LYST: variants seen among roughly 807,000 people sequenced by gnomAD.
LYST encodes the protein lysosomal trafficking regulator, also known as lysosomal-trafficking regulator.
In LYST, 192 loss-of-function variants were observed where a neutral mutation model predicts 413.6. That is an observed-to-expected ratio of 0.46 (90% CI 0.41 to 0.52). The LOEUF is 0.52. Among genes scored for constraint, LYST ranks in the 20% least tolerant of loss-of-function variants. The pLI, the probability that LYST is intolerant of heterozygous loss-of-function variation, is 0.00. For missense variants in LYST, 3,815 were observed against 4,499.9 expected (o/e 0.85, Z 4.35); for synonymous variants, 1,525 against 1,567.3 (o/e 0.97, Z 0.64).
chr1:235,733,871 A>T lies in LYST; in HGVS notation c.8571T>A (p.Asn2857Lys). 1 of 1,600,192 alleles carries T rather than the reference A, an allele frequency of 6.2e-7. No homozygotes were observed. Among genetic ancestry groups the T allele is most frequent in the Non-Finnish European group, 8.6e-7 (1 of 1,167,642 alleles). ...TAACTGTTTTCTGCCAAGCAGCTTT[A>T]TTCACTCCTTCTTCAGTTTCATATT... ...QKKYETEEGV[N>K]KAAWQKTVNN... Residue 2857 changes from asparagine (N) to lysine (K), a missense_variant, in exon 33 of 53, where the codon AAT becomes AAA. Transcript: ENST00000389793.
intron 34 of LYST, 95 bp from the exon 35 acceptor site, chr1:235,731,272 A>C (rs1664355529): frequency 3.9e-6 from 4 of 1,035,238 alleles, no homozygotes; most frequent in East Asian, 4.7e-5. Flanking sequence ...GTAAGTCACA[A>C]CTGATCTGTT....
chr1:235,729,111 T>C (rs1482825821), intron 37 of LYST, among the ~76,000 whole-genome samples: 1 of 152,184 alleles, frequency 6.6e-6, no homozygotes, highest in African/African-American at 2.4e-5. Flanking sequence ...TTGTTTTCCT[T>C]CATATTTTGA....
intron 1 of LYST, among the ~76,000 whole-genome samples, chr1:235,836,217 T>C (rs1015450197): frequency 2.0e-5 from 3 of 152,232 alleles, no homozygotes; most frequent in Non-Finnish European, 4.4e-5. Context: ...TTCATCAATA[T>C]GCCATTTAAT....
chr1:235,667,773 C>T (rs1269393378), intron 50 of LYST, among the ~76,000 whole-genome samples: 3 of 152,112 alleles, frequency 2.0e-5, no homozygotes, highest in Non-Finnish European at 4.4e-5. Flanking sequence ...AGCGATTCTC[C>T]TGCCTCAGCC....
intron 43 of LYST, among the ~76,000 whole-genome samples, chr1:235,710,427 G>A (rs1373120922): frequency 6.6e-6 from 1 of 152,118 alleles, no homozygotes; most frequent in Non-Finnish European, 1.5e-5. Context: ...CTGGGAATGG[G>A]CTGGGGATGG....
At chr1:235,876,196 TG>T (rs1320622250) in intron 1 of LYST, among the ~76,000 whole-genome samples, 1 of 152,144 alleles carries the variant, frequency 6.6e-6, no homozygotes, top group Non-Finnish European at 1.5e-5. Flanking sequence ...CACTCCATCC[TG>T]GGTGACAGAG....
At chr1:235,848,432 G>A (rs1374171754) in intron 1 of LYST, among the ~76,000 whole-genome samples, 1 of 151,858 alleles carries the variant, frequency 6.6e-6, no homozygotes, top group Non-Finnish European at 1.5e-5. Flanking sequence ...CAAAAAGTCT[G>A]AAAGAGCACA....
intron 44 of LYST, among the ~76,000 whole-genome samples, chr1:235,703,248 T>G (rs1295306668): frequency 6.6e-6 from 1 of 152,194 alleles, no homozygotes; most frequent in African/African-American, 2.4e-5. Context: ...ATATCATATA[T>G]GACCTGATAC....
rs1003511333 is a variant in LYST, at chr1:235,694,182, T to G, written c.10565-696A>C. ...TCGCCACCATGCCCGGCTGATTTTT[T>G]TTTTGTATTTTTAGTAGAGACGGGG... On this transcript the variant is annotated intron_variant, in intron 46 of 52. Transcript: ENST00000389793. 1.3e-4 allele frequency among the ~76,000 whole-genome samples: 20 copies of G among 151,918 alleles called. 1 individual carries two copies. Among genetic ancestry groups the G allele is most frequent in the Non-Finnish European group, 2.8e-4 (19 of 67,968 alleles).
chr1:235,823,379 CTCAT>C (rs1331933793), intron 3 of LYST, among the ~76,000 whole-genome samples: 1 of 152,146 alleles, frequency 6.6e-6, no homozygotes, highest in East Asian at 1.9e-4. Flanking sequence ...TAAATTAATG[CTCAT>C]TTATTATTAC....
At chr1:235,754,229 C>CTTTTTTTT (rs71576486) in intron 25 of LYST, among the ~76,000 whole-genome samples, 8 of 86,570 alleles carry the variant, frequency 9.2e-5, no homozygotes, top group Non-Finnish European at 1.6e-4. Flanking sequence ...CTTTTCTTTT[C>CTTTTTTTT]TTTTTTTTTT....
Position 235,809,832 on chromosome 1 carries a change from C to T in LYST, c.986G>A (p.Arg329Gln), listed in dbSNP as rs368218330. Residue 329 changes from arginine to glutamine, a missense_variant, in exon 5 of 53, where the codon CGA becomes CAA. Arg to Gln is a conservative substitution (Grantham distance 43). Transcript: ENST00000389793. This position sits in a 1 kb window ranked among gnomAD's most constrained non-coding sequence, Gnocchi z 4.0. Reference sequence around the variant, plus strand: ...TACTGACAGAAGATGCAACACTGTTCGAAAGAGCATCCTTTGAATCAAAGC... The same window carrying T: ...TACTGACAGAAGATGCAACACTGTTTGAAAGAGCATCCTTTGAATCAAAGC... ...PVALIQRMLF[R>Q]TVLHLLSVDV... The T allele has an allele frequency of 2.1e-5, 34 of 1,613,810 alleles. No individual in the cohort carries two copies. The African/African-American group carries it at 3.1e-4, about 15-fold the overall frequency.
intron 5 of LYST, 59 bp downstream of exon 5, chr1:235,808,396 A>G: frequency 6.6e-7 from 1 of 1,518,824 alleles, no homozygotes; most frequent in Non-Finnish European, 9.0e-7. Context: ...CATCCAATGA[A>G]AAAGATCTAG....
At chr1:235,792,852 C>CG (rs1671164365) in intron 11 of LYST, among the ~76,000 whole-genome samples, 1 of 151,586 alleles carries the variant, frequency 6.6e-6, no homozygotes, top group South Asian at 2.1e-4. Context: ...TTAGTAGAGA[C>CG]GGGGTTTCAT....
chr1:235,758,932 A>C lies in LYST; in HGVS notation c.6881+40T>G, dbSNP rs1667302730. On this transcript the variant is annotated intron_variant, in intron 23 of 52. Coordinates refer to ENST00000389793, the MANE Select transcript of LYST (RefSeq NM_000081.4). Reference sequence around the variant, plus strand: ...GGGTAGAGAGTCTTTAAAGAATAGTAAAATAAAGGTGGGAGGAGTGTACAA... The same window carrying C: ...GGGTAGAGAGTCTTTAAAGAATAGTCAAATAAAGGTGGGAGGAGTGTACAA... 5 of 1,602,024 alleles carry C rather than the reference A, an allele frequency of 3.1e-6. No homozygotes were observed. In the East Asian group the frequency reaches 1.1e-4, roughly 36 times the overall value.
In LYST at chr1:235,802,358, A is replaced by G. The variant is rs1672339738; in HGVS notation, c.3712+550T>C. On this transcript the variant is annotated intron_variant, in intron 8 of 52. Coordinates refer to ENST00000389793, the MANE Select transcript of LYST (RefSeq NM_000081.4). ...GACAAGGGAGGAAAGGATCATAGGC[A>G]ATATAGTTCCATCCTAAAGACAAAT... Among the ~76,000 whole-genome samples, 3 of 152,244 alleles carry G rather than the reference A, an allele frequency of 2.0e-5. No homozygotes were observed. The Middle Eastern group carries it at 0.01, about 518-fold the overall frequency.
chr1:235,866,326 G>C (rs1342478795), intron 1 of LYST, among the ~76,000 whole-genome samples: 1 of 152,222 alleles, frequency 6.6e-6, no homozygotes, highest in Non-Finnish European at 1.5e-5. Context: ...GCACGGTGTA[G>C]GTGACAGGTG....
intron 31 of LYST, among the ~76,000 whole-genome samples, chr1:235,740,503 T>C (rs1228228649): frequency 6.6e-5 from 10 of 152,170 alleles, no homozygotes; most frequent in South Asian, 2.1e-4. Flanking sequence ...TTCAGATGAA[T>C]AGAATCACAG....
intron 19 of LYST, among the ~76,000 whole-genome samples, chr1:235,773,102 A>G (rs1668874651): frequency 6.6e-6 from 1 of 152,172 alleles, no homozygotes; most frequent in Non-Finnish European, 1.5e-5. Flanking sequence ...AGATCACTTG[A>G]GCTCAGGAGT....
Sources: gnomAD v4.1 joint callset for allele counts (sites outside exome capture counted in the v4.1 genomes callset) on GRCh38, gnomAD v4.1.1 for gene constraint, Gnocchi (gnomAD v3.1) non-coding constraint, MANE v1.5 for transcripts, NCBI Gene and HGNC (gene_info 2026-07-23, HGNC 2026-07-21) for gene names.